Variants in CHD1L observed in about 807,000 individuals in gnomAD.
CHD1L encodes the protein chromodomain helicase DNA binding protein 1 like, also known as ATP-dependent chromatin remodeler CHD1L.
A neutral mutation model predicts 115.9 loss-of-function variants in CHD1L; 118 were observed. That is an observed-to-expected ratio of 1.02 (90% CI 0.88 to 1.19). The LOEUF (loss-of-function observed/expected upper bound fraction) is 1.19. Ranked by LOEUF, CHD1L falls within the 50% of genes most tolerant of loss-of-function variation. CHD1L has a pLI of 0.00. For missense variants in CHD1L, 1,179 were observed against 1,065.3 expected (o/e 1.11, Z -1.49); for synonymous variants, 411 against 387.1 (o/e 1.06, Z -0.72).
chr1:147,212,434 C>T, the CHD1L span: 1 of 1,614,080 alleles, frequency 6.2e-7, no homozygotes, highest in South Asian at 1.1e-5. Context: ...AGATCCCCTC[C>T]AGAATTCCCA....
At chr1:147,228,995 C>A in the CHD1L span, among the ~76,000 whole-genome samples, 1 of 152,136 alleles carries the variant, frequency 6.6e-6, no homozygotes, top group Admixed American at 6.5e-5. Flanking sequence ...TTTTGCTGTG[C>A]AGAAGCTCCT....
At position 147,292,271 on chromosome 1, in the gene CHD1L, T is replaced by C. The variant is rs1012227811; in HGVS notation, c.2391+719T>C. On this transcript the variant is annotated intron_variant, in intron 20 of 22. Coordinates refer to ENST00000369258, the MANE Select transcript of CHD1L (RefSeq NM_004284.6). The stretch of plus-strand genomic sequence containing the variant: ...ACTATGTGAAAATTTCTATGAAAGA[T>C]TGTGTTTTCTAGTCAGCCATAATAA... Among the ~76,000 whole-genome samples the C allele has an allele frequency of 3.3e-5, 5 of 152,222 alleles. No homozygotes were observed. The South Asian group carries it at 1.0e-3, about 31-fold the overall frequency.
intron 10 of CHD1L, among the ~76,000 whole-genome samples, chr1:147,269,732 C>A (rs1032915283): frequency 6.7e-6 from 1 of 150,366 alleles, no homozygotes; most frequent in Admixed American, 6.6e-5. Context: ...TCAGCTTATA[C>A]CTAATCCTCC....
intron 15 of CHD1L, among the ~76,000 whole-genome samples, chr1:147,283,349 T>A (rs76184665): frequency 0.021 from 3,137 of 152,292 alleles, 103 homozygotes; most frequent in African/African-American, 0.07. Flanking sequence ...AACATACTTA[T>A]AATGGATTTC....
chr1:147,294,604 C>G lies in CHD1L; in HGVS notation c.2615+87C>G, dbSNP rs371292619. The G allele has an allele frequency of 1.2e-4, 121 of 1,012,028 alleles. No individual in the cohort carries two copies. The Middle Eastern group carries it at 1.3e-3, about 11-fold the overall frequency. The allele number at this position is 1,012,028 out of a possible 1,614,324, so 62.7% of individuals were successfully genotyped here. A position where few individuals can be genotyped will look rare whatever the true frequency, so the allele number is the denominator to read the frequency against. On this transcript the variant is annotated intron_variant, in intron 22 of 22. Transcript: ENST00000369258. ...TCTGGTGTCAGTTCTTAATCCAAGA[C>G]CAAGTTTCTTCCTGCCACAGTCTTT...
At chr1:147,228,602 T>G in the CHD1L span, among the ~76,000 whole-genome samples, 2 of 151,724 alleles carry the variant, frequency 1.3e-5, no homozygotes, top group Admixed American at 1.3e-4. Flanking sequence ...TCCACAATGG[T>G]TGAACTAGTT....
rs782083154 is a variant in CHD1L at position 147,254,858 on chromosome 1, TC to T, written c.241-11del. On this transcript the variant is annotated splice_polypyrimidine_tract_variant and intron_variant, in intron 2 of 22. Transcript: ENST00000369258. ...ATGTGATCAAAACTGCCTTTCTTTT[TC>T]TGTGTTCCAGACTATTGCTCTCTTC... The T allele has an allele frequency of 6.4e-7, 1 of 1,569,916 alleles. No homozygotes were observed. Among genetic ancestry groups the T allele is most frequent in the Non-Finnish European group, 8.6e-7 (1 of 1,159,906 alleles).
At chr1:147,229,630 C>T in the CHD1L span, among the ~76,000 whole-genome samples, 72,541 of 151,948 alleles carry the variant, frequency 0.48, 18,795 homozygotes, top group East Asian at 0.72. Flanking sequence ...ATTGATTCTT[C>T]CTACCCATGA....
upstream of CHD1L, among the ~76,000 whole-genome samples, chr1:147,240,711 T>C (rs770550383): frequency 6.6e-6 from 1 of 152,194 alleles, no homozygotes; most frequent in Middle Eastern, 3.2e-3. Context: ...GCAGCAATAC[T>C]GCTCTTTAAG....
the CHD1L span, among the ~76,000 whole-genome samples, chr1:147,201,851 C>T: frequency 6.6e-6 from 1 of 152,160 alleles, no homozygotes; most frequent in Non-Finnish European, 1.5e-5. Context: ...TCTGACAGAA[C>T]TAAGCTGTCA....
At chr1:147,198,280 A>G in the CHD1L span, among the ~76,000 whole-genome samples, 1 of 152,254 alleles carries the variant, frequency 6.6e-6, no homozygotes, top group East Asian at 1.9e-4. Flanking sequence ...TTTATTAGAT[A>G]CCTCTTATGT....
chr1:147,294,663 G>A, intron 22 of CHD1L, 146 bp downstream of exon 22: 1 of 551,854 alleles, frequency 1.8e-6, no homozygotes, highest in South Asian at 2.9e-5. Flanking sequence ...AAAGAAAGAA[G>A]CACTTTCTAA....
chr1:147,242,014 T>C (rs587639988), upstream of CHD1L, among the ~76,000 whole-genome samples: 12 of 152,234 alleles, frequency 7.9e-5, 1 homozygote, highest in South Asian at 2.5e-3. Flanking sequence ...AGCTATTTTG[T>C]TATTATCATA....
chr1:147,289,359 G>C (rs1289898744), intron 19 of CHD1L, among the ~76,000 whole-genome samples: 5 of 152,194 alleles, frequency 3.3e-5, no homozygotes, highest in Non-Finnish European at 5.9e-5. Flanking sequence ...AGGGAACCTT[G>C]TGCGGTATTT....
the CHD1L span, chr1:147,224,790 G>T: frequency 2.8e-6 from 3 of 1,079,662 alleles, no homozygotes; most frequent in Non-Finnish European, 1.4e-6. Context: ...GATTACAGGC[G>T]TGTGCCAACC....
the CHD1L span, among the ~76,000 whole-genome samples, chr1:147,232,608 C>T: frequency 6.6e-6 from 1 of 151,984 alleles, no homozygotes; most frequent in African/African-American, 2.4e-5. Context: ...GCCTGATTCT[C>T]CTGCCTCAGC....
chr1:147,266,931 AAC>A (rs1553948855), intron 8 of CHD1L, among the ~76,000 whole-genome samples: 1 of 152,202 alleles, frequency 6.6e-6, no homozygotes, highest in Non-Finnish European at 1.5e-5. Context: ...TATGGGAAAA[AAC>A]ACAGAATACA....
chr1:147,228,583 A>C, the CHD1L span, among the ~76,000 whole-genome samples: 1 of 152,124 alleles, frequency 6.6e-6, no homozygotes, highest in African/African-American at 2.4e-5. Flanking sequence ...AGGAATCGCC[A>C]CACTGACTTC....
At chr1:147,279,259 G>A (rs185091254) in intron 14 of CHD1L, among the ~76,000 whole-genome samples, 10 of 152,282 alleles carry the variant, frequency 6.6e-5, no homozygotes, top group Admixed American at 1.3e-4. Flanking sequence ...AGGGCCCAAG[G>A]TTTGAATCCA....
Sources: gnomAD v4.1 joint callset for allele counts (sites outside exome capture counted in the v4.1 genomes callset) on GRCh38, gnomAD v4.1.1 for gene constraint, MANE v1.5 for transcripts, NCBI Gene and HGNC (gene_info 2026-07-23, HGNC 2026-07-21) for gene names.